The following ENTREP2 variants were observed in gnomAD, a reference collection of about 807,000 sequenced individuals.
ENTREP2 encodes endosomal transmembrane epsin interactor 2, also known as protein ENTREP2.
the ENTREP2 span, among the ~76,000 whole-genome samples, chr15:29,533,634 A>G: frequency 3.3e-5 from 5 of 152,282 alleles, no homozygotes; most frequent in South Asian, 8.3e-4. Flanking sequence ...CTCCCTGCCC[A>G]TAAGGTCCAT....
chr15:29,535,285 A>G, the ENTREP2 span, among the ~76,000 whole-genome samples: 1 of 152,166 alleles, frequency 6.6e-6, no homozygotes, highest in Non-Finnish European at 1.5e-5. Flanking sequence ...GTAAAAAGCT[A>G]AAGTTGAACC....
At chr15:29,125,300 G>T in the ENTREP2 span, among the ~76,000 whole-genome samples, 1 of 152,210 alleles carries the variant, frequency 6.6e-6, no homozygotes, top group African/African-American at 2.4e-5. Flanking sequence ...ACCAGCAGAG[G>T]GGGGTGTTTC....
At chr15:29,390,854 T>C in the ENTREP2 span, among the ~76,000 whole-genome samples, 2 of 152,160 alleles carry the variant, frequency 1.3e-5, no homozygotes, top group Non-Finnish European at 2.9e-5. Context: ...GCCAAGTAAA[T>C]TACTTTCATG....
chr15:29,252,406 T>G, the ENTREP2 span: 1 of 1,551,244 alleles, frequency 6.4e-7, no homozygotes, highest in South Asian at 1.2e-5. Flanking sequence ...AGCTGAGCAT[T>G]CTGACAAGAG....
At chr15:29,316,702 G>A in the ENTREP2 span, among the ~76,000 whole-genome samples, 89 of 152,098 alleles carry the variant, frequency 5.9e-4, no homozygotes, top group Non-Finnish European at 3.4e-4. Flanking sequence ...CTTTACTTGT[G>A]TATATAGTTG....
At chr15:29,647,669 T>C in the ENTREP2 span, among the ~76,000 whole-genome samples, 1 of 152,214 alleles carries the variant, frequency 6.6e-6, no homozygotes, top group Non-Finnish European at 1.5e-5. Context: ...CCTTCCAGTC[T>C]TTAAATCATG....
the ENTREP2 span, among the ~76,000 whole-genome samples, chr15:29,351,340 C>G: frequency 6.6e-6 from 1 of 152,122 alleles, no homozygotes; most frequent in Non-Finnish European, 1.5e-5. Flanking sequence ...ATCGATGGAC[C>G]ATTATAGACA....
the ENTREP2 span, among the ~76,000 whole-genome samples, chr15:29,623,208 C>T: frequency 3.9e-5 from 6 of 152,174 alleles, no homozygotes; most frequent in Admixed American, 1.3e-4. Flanking sequence ...CAATGTTTCT[C>T]AACGCTGAAA....
At chr15:29,130,755 C>G in the ENTREP2 span, among the ~76,000 whole-genome samples, 2 of 152,130 alleles carry the variant, frequency 1.3e-5, no homozygotes, top group Non-Finnish European at 2.9e-5. Flanking sequence ...AAATGTGGCC[C>G]TTCCCTGATG....
the ENTREP2 span, among the ~76,000 whole-genome samples, chr15:29,210,913 C>A: frequency 6.6e-6 from 1 of 152,172 alleles, no homozygotes; most frequent in South Asian, 2.1e-4. Context: ...TATCTCTTAT[C>A]CCAATTCATC....
the ENTREP2 span, among the ~76,000 whole-genome samples, chr15:29,639,890 T>A: frequency 6.6e-6 from 1 of 150,922 alleles, no homozygotes; most frequent in Non-Finnish European, 1.5e-5. Flanking sequence ...TGCCTCAGCC[T>A]CCTGAGTAGC....
At chr15:29,460,261 A>G in the ENTREP2 span, among the ~76,000 whole-genome samples, 1,038 of 152,200 alleles carry the variant, frequency 6.8e-3, 9 homozygotes, top group Middle Eastern at 0.02. Context: ...CTTAACAACA[A>G]CAAAGACAGC....
the ENTREP2 span, among the ~76,000 whole-genome samples, chr15:29,252,980 C>A: frequency 6.6e-6 from 1 of 152,126 alleles, no homozygotes; most frequent in African/African-American, 2.4e-5. Flanking sequence ...CATTTACAGC[C>A]CCTACCATCT....
the ENTREP2 span, among the ~76,000 whole-genome samples, chr15:29,644,462 A>G: frequency 2.6e-5 from 4 of 152,224 alleles, no homozygotes; most frequent in Non-Finnish European, 5.9e-5. Context: ...TCATATAGAG[A>G]CAGGGAAGTA....
the ENTREP2 span, among the ~76,000 whole-genome samples, chr15:29,146,130 G>A: frequency 5.9e-5 from 9 of 152,182 alleles, no homozygotes; most frequent in Non-Finnish European, 1.0e-4. Context: ...ACTGAAAACC[G>A]TGAATATAAC....
the ENTREP2 span, among the ~76,000 whole-genome samples, chr15:29,509,430 A>G: frequency 6.6e-6 from 1 of 152,210 alleles, no homozygotes; most frequent in Non-Finnish European, 1.5e-5. Context: ...ACCAAAAAAG[A>G]GCCTGTATAG....
chr15:29,331,752 A>G, the ENTREP2 span, among the ~76,000 whole-genome samples: 1 of 152,198 alleles, frequency 6.6e-6, no homozygotes, highest in African/African-American at 2.4e-5. Flanking sequence ...CAACAATTCT[A>G]CTTAAGTAAA....
chr15:29,355,788 G>A, the ENTREP2 span, among the ~76,000 whole-genome samples: 1 of 152,168 alleles, frequency 6.6e-6, no homozygotes, highest in East Asian at 1.9e-4. Context: ...GTGAAGAGAT[G>A]AATGAAAATT....
At chr15:29,442,453 A>G in the ENTREP2 span, among the ~76,000 whole-genome samples, 1 of 152,200 alleles carries the variant, frequency 6.6e-6, no homozygotes, top group East Asian at 1.9e-4. Context: ...TCTAATTTTT[A>G]TTCTTGGAGA....
Sources: gnomAD v4.1 joint callset for allele counts (sites outside exome capture counted in the v4.1 genomes callset) on GRCh38, gnomAD v4.1.1 for gene constraint, MANE v1.5 for transcripts, NCBI Gene and HGNC (gene_info 2026-07-23, HGNC 2026-07-21) for gene names.